NDUFC2: variants seen among roughly 807,000 people sequenced by gnomAD.
NDUFC2 encodes NADH:ubiquinone oxidoreductase subunit C2.
In NDUFC2, 2 loss-of-function variants were observed where a neutral mutation model predicts 10.1. The observed-to-expected ratio is 0.20, with a 90% CI of 0.08 to 0.62. The LOEUF is 0.62. Among genes scored for constraint, NDUFC2 ranks in the 20% least tolerant of loss-of-function variants. The pLI is 0.87. For missense variants in NDUFC2, 156 were observed against 159.6 expected, an observed-to-expected ratio of 0.98 and a Z score of 0.12; for synonymous variants, 61 against 63.6, an observed-to-expected ratio of 0.96 and a Z score of 0.20.
intron 2 of NDUFC2, among the ~76,000 whole-genome samples, chr11:78,070,247 G>C (rs1019344534): frequency 1.1e-4 from 16 of 152,140 alleles, no homozygotes; most frequent in African/African-American, 3.9e-4. Context: ...AGGTCACAAA[G>C]GCTCTGTCCT....
At position 78,069,450 on chromosome 11, in the gene NDUFC2, AC is replaced by A. The variant is rs1282026586; in HGVS notation, c.*536del. 6.0e-6 allele frequency: 1 copy of A among 167,752 alleles called. No individual in the cohort carries two copies. The highest frequency in any genetic ancestry group is 1.3e-5 in the Non-Finnish European group (1 of 79,364). 10.4% of individuals were successfully genotyped at this position (167,752 alleles called of 1,614,324 possible). On this transcript the variant is annotated 3_prime_UTR_variant, in exon 3 of 3. Transcript: ENST00000281031. ...TACAAACCTGACTGTATGATTTAAAACGCCTTAATGACTTAATACCTACAGG... is the reference window on the plus strand; with the variant it reads ...TACAAACCTGACTGTATGATTTAAAAGCCTTAATGACTTAATACCTACAGG...
intron 1 of NDUFC2, among the ~76,000 whole-genome samples, chr11:78,079,272 C>T (rs1489492401): frequency 6.6e-6 from 1 of 152,152 alleles, no homozygotes; most frequent in Non-Finnish European, 1.5e-5. Flanking sequence ...GTGAGTAGTG[C>T]ATGGCATGGA....
chr11:78,072,890 G>A (rs1859069907), intron 2 of NDUFC2, 108 bp downstream of exon 2: 23 of 1,434,022 alleles, frequency 1.6e-5, no homozygotes, highest in Non-Finnish European at 2.1e-5. Flanking sequence ...CTAAGATGTG[G>A]GAGTCAACAG....
intron 1 of NDUFC2, among the ~76,000 whole-genome samples, chr11:78,074,671 A>G (rs1445418645): frequency 6.6e-6 from 1 of 152,200 alleles, no homozygotes; most frequent in East Asian, 1.9e-4. Flanking sequence ...CATATAAAAC[A>G]AGACATATGC....
intron 2 of NDUFC2, 96 bp from the exon 3 acceptor site, chr11:78,070,132 G>A (rs1452781432): frequency 6.0e-6 from 5 of 829,164 alleles, no homozygotes; most frequent in East Asian, 2.7e-5. Context: ...TCTTATGATT[G>A]AAATCCTGCT....
chr11:78,074,809 A>G (rs1403424597), intron 1 of NDUFC2, among the ~76,000 whole-genome samples: 1 of 152,252 alleles, frequency 6.6e-6, no homozygotes, highest in East Asian at 1.9e-4. Context: ...TACCCGCCAT[A>G]TAGCAAACCA....
intron 1 of NDUFC2, among the ~76,000 whole-genome samples, chr11:78,078,618 C>A (rs1457302698): frequency 1.3e-5 from 2 of 152,062 alleles, no homozygotes; most frequent in African/African-American, 4.8e-5. Flanking sequence ...GTACAGCACA[C>A]TGGTTTAGAG....
chr11:78,077,444 T>A (rs776428191), intron 1 of NDUFC2, among the ~76,000 whole-genome samples: 9 of 152,196 alleles, frequency 5.9e-5, no homozygotes, highest in Non-Finnish European at 1.2e-4. Flanking sequence ...ACAACAAATA[T>A]GCAAAAATTA....
intron 1 of NDUFC2, 67 bp from the exon 2 acceptor site, chr11:78,073,208 T>A: frequency 6.2e-7 from 1 of 1,605,418 alleles, no homozygotes; most frequent in Non-Finnish European, 8.5e-7. Flanking sequence ...AGTTACATTT[T>A]TGGCTGGACG....
Position 78,076,389 on chromosome 11 carries a change from G to A in NDUFC2, c.166+3190C>T, listed in dbSNP as rs940685558. Among the ~76,000 whole-genome samples, 18 of 152,206 alleles carry A rather than the reference G, an allele frequency of 1.2e-4. No homozygotes were observed. In the East Asian group the frequency reaches 2.5e-3, roughly 21 times the overall value. On this transcript the variant is annotated intron_variant, in intron 1 of 2. Coordinates refer to ENST00000281031, the MANE Select transcript of NDUFC2 (RefSeq NM_004549.6). ...ACTCTTGACTTCAGGTGATCCACCC[G>A]CCTCAGCCTCCCAAAATGTTGGGAT... is the stretch of plus-strand genomic sequence containing the variant.
intron 2 of NDUFC2, among the ~76,000 whole-genome samples, chr11:78,071,254 ATTTTTTT>A (rs34320551): frequency 7.8e-6 from 1 of 127,746 alleles, no homozygotes; most frequent in Admixed American, 8.5e-5. Context: ...TAACAGAAGA[ATTTTTTT>A]TTTTTTTTTT....
In NDUFC2 at chr11:78,079,619, C is replaced by T; in HGVS notation, c.126G>A (p.Leu42=). Residue 42 remains leucine (L), a synonymous_variant, in exon 1 of 3, where the codon CTG becomes CTA. Coordinates refer to ENST00000281031, the MANE Select transcript of NDUFC2 (RefSeq NM_004549.6). ...YIGFLGYCSG[L]IDNLIRRRPI... is the part of the protein sequence containing the mutation. Reference sequence around the variant, plus strand: ...GCCTCCGCCGGATTAGGTTATCAATCAGGCCGGAGCAGTAGCCCAAGAAGC... The same window carrying T: ...GCCTCCGCCGGATTAGGTTATCAATTAGGCCGGAGCAGTAGCCCAAGAAGC... 6.4e-7 allele frequency: 1 copy of T among 1,567,326 alleles called. No homozygotes were observed. Among genetic ancestry groups the T allele is most frequent in the South Asian group, 1.2e-5 (1 of 85,492 alleles).
intron 2 of NDUFC2, among the ~76,000 whole-genome samples, chr11:78,072,239 G>A (rs777269314): frequency 7.9e-5 from 12 of 152,098 alleles, no homozygotes; most frequent in South Asian, 2.1e-4. Flanking sequence ...GTGCAATGGC[G>A]CGATCTCAGC....
intron 1 of NDUFC2, among the ~76,000 whole-genome samples, chr11:78,074,591 C>T (rs901125564): frequency 5.3e-5 from 8 of 150,246 alleles, no homozygotes; most frequent in Admixed American, 6.7e-5. Context: ...CTAGCCTGGG[C>T]GACAGAATGA....
At chr11:78,070,619 T>C (rs1341574442) in intron 2 of NDUFC2, among the ~76,000 whole-genome samples, 7 of 152,182 alleles carry the variant, frequency 4.6e-5, no homozygotes, top group African/African-American at 9.7e-5. Flanking sequence ...TTTTCTTTCA[T>C]TGACTGAAGA....
At position 78,068,351 on chromosome 11, in the gene NDUFC2, A is replaced by G. The variant is rs1202542400; in HGVS notation, c.*1636T>C. On this transcript the variant is annotated 3_prime_UTR_variant, in exon 3 of 3. Coordinates refer to ENST00000281031, the MANE Select transcript of NDUFC2 (RefSeq NM_004549.6). ...ACTAATAAAAAATCCAAAGCCTTGT[A>G]TTTGTACATCTTTATTATTTCTAAA... 2 of 152,192 alleles carry G rather than the reference A, an allele frequency of 1.3e-5. No homozygotes were observed. 9.4% of individuals were successfully genotyped at this position (152,192 alleles called of 1,614,324 possible).
At chr11:78,072,871 G>T in intron 2 of NDUFC2, 127 bp downstream of exon 2, 1 of 1,309,208 alleles carries the variant, frequency 7.6e-7, no homozygotes, top group Non-Finnish European at 1.0e-6. Flanking sequence ...GAGAATTTTG[G>T]TCTATAGACT....
chr11:78,069,947 A>T lies in NDUFC2; in HGVS notation c.*40T>A, dbSNP rs1345870868. On this transcript the variant is annotated 3_prime_UTR_variant, in exon 3 of 3. Coordinates refer to ENST00000281031, the MANE Select transcript of NDUFC2 (RefSeq NM_004549.6). ...AACATGTTCCATCAAATTCAGAAAC[A>T]GCAGGTATCAGTGAAACTGGAGCAA... 1 of 1,613,388 alleles carries T rather than the reference A, an allele frequency of 6.2e-7. No individual in the cohort carries two copies. The highest frequency in any genetic ancestry group is 1.7e-5 in the Admixed American group (1 of 59,980).
chr11:78,072,178 A>T (rs1185513590), intron 2 of NDUFC2, among the ~76,000 whole-genome samples: 4 of 128,340 alleles, frequency 3.1e-5, no homozygotes, highest in Admixed American at 1.5e-4. Flanking sequence ...ATTTTATTTT[A>T]ATTTTATTTT....
Sources: gnomAD v4.1 joint callset for allele counts (sites outside exome capture counted in the v4.1 genomes callset) on GRCh38, gnomAD v4.1.1 for gene constraint, MANE v1.5 for transcripts, NCBI Gene and HGNC (gene_info 2026-07-23, HGNC 2026-07-21) for gene names.